Variants in EPB41 observed in about 807,000 individuals in gnomAD.
EPB41 encodes the protein protein 4.1.
EPB41 carries 65 observed loss-of-function variants against 108.0 expected under a neutral mutation model. The ratio of observed to expected loss-of-function variants is 0.60; its 90% CI spans 0.49 to 0.74. The LOEUF (loss-of-function observed/expected upper bound fraction) is 0.74. EPB41 is among the 30% of genes least tolerant of loss of function. The pLI is 0.00. For synonymous variants in EPB41, 336 were observed against 358.9 expected, an observed-to-expected ratio of 0.94 and a Z score of 0.72; for missense variants, 875 against 1,037.0, an observed-to-expected ratio of 0.84 and a Z score of 2.15.
At chr1:29,044,435 A>G (rs1019467640) in intron 11 of EPB41, among the ~76,000 whole-genome samples, 3 of 152,232 alleles carry the variant, frequency 2.0e-5, no homozygotes, top group Admixed American at 6.5e-5. Flanking sequence ...AGAAAGCTTT[A>G]CAGAAATCAC....
At position 29,064,793 on chromosome 1, in the gene EPB41, C is replaced by G. The variant is rs561944049; in HGVS notation, c.2008-189C>G. ...TACTTCACAGCTTCTAAGAAAAGCA[C>G]TTTATTTAAAGAAAAAAAAGGCAAG... On this transcript the variant is annotated intron_variant, in intron 15 of 20. Transcript: ENST00000343067. Among the ~76,000 whole-genome samples the G allele has an allele frequency of 7.2e-5, 11 of 152,072 alleles. No homozygotes were observed. The East Asian group carries it at 1.9e-3, about 27-fold the overall frequency.
At chr1:28,988,057 G>A (rs2095909439) in intron 2 of EPB41, 152 bp downstream of exon 2, 6 of 784,254 alleles carry the variant, frequency 7.7e-6, no homozygotes, top group Non-Finnish European at 1.1e-5. Flanking sequence ...GAGGTCAGGA[G>A]TTCGAGACCA....
At position 28,987,520 on chromosome 1, in the gene EPB41, C is replaced by G. The variant is rs779290705; in HGVS notation, c.83C>G (p.Ser28Ter). The G allele has an allele frequency of 1.2e-6, 2 of 1,614,114 alleles. No individual in the cohort carries two copies. Among genetic ancestry groups the G allele is most frequent in the Non-Finnish European group, 1.7e-6 (2 of 1,180,024 alleles). The change falls in exon 2 of 21, where the codon TCA (serine) becomes TGA (stop). Residue 28 changes from serine (S) to a stop codon, truncating the protein, a stop_gained. Coordinates refer to ENST00000343067, the MANE Select transcript of EPB41 (RefSeq NM_001376013.1). LOFTEE classifies it high-confidence loss of function. Reference protein sequence around the residue: ...QKEEGEEAINSGQQEPQQEES... With the variant: ...QKEEGEEAIN ...GAAGAGGGTGAGGAAGCCATAAACTCAGGCCAACAAGAACCTCAGCAGGAG... is the reference window on the plus strand; with the variant it reads ...GAAGAGGGTGAGGAAGCCATAAACTGAGGCCAACAAGAACCTCAGCAGGAG...
intron 10 of EPB41, among the ~76,000 whole-genome samples, chr1:29,036,648 A>G (rs924927705): frequency 6.8e-5 from 10 of 146,410 alleles, no homozygotes; most frequent in African/African-American, 2.3e-4. Flanking sequence ...TGGAGCTTTT[A>G]TACTATAAGG....
Position 28,979,337 on chromosome 1 carries a change from G to A in EPB41, c.-7-8094G>A, listed in dbSNP as rs373322902. On this transcript the variant is annotated intron_variant, in intron 1 of 20. Coordinates refer to ENST00000343067, the MANE Select transcript of EPB41 (RefSeq NM_001376013.1). ...CCACAACCACTCTCCAAATACAAGT[G>A]CGGTGAGTGTTTTGAAGACCATACA... Among the ~76,000 whole-genome samples, 12 of 151,580 alleles carry A rather than the reference G, an allele frequency of 7.9e-5. No individual in the cohort carries two copies. In the East Asian group the frequency reaches 2.3e-3, roughly 29 times the overall value.
chr1:29,070,697 G>A (rs1650933449), intron 16 of EPB41: 3 of 1,230,738 alleles, frequency 2.4e-6, no homozygotes, highest in African/African-American at 1.6e-5. Flanking sequence ...GCTGTATGAT[G>A]CCCTCTGATC....
intron 1 of EPB41, among the ~76,000 whole-genome samples, chr1:28,920,214 A>G (rs552849519): frequency 3.3e-5 from 5 of 152,312 alleles, no homozygotes; most frequent in African/African-American, 9.6e-5. Context: ...TCTATTACCT[A>G]ATTCTATATT....
At chr1:28,890,855 A>C in intron 1 of EPB41, 1 of 927,354 alleles carries the variant, frequency 1.1e-6, no homozygotes, top group Non-Finnish European at 1.3e-6. Context: ...TAAGAGTGGG[A>C]GCCTCCACCC....
chr1:28,960,926 C>T (rs938847353), intron 1 of EPB41, among the ~76,000 whole-genome samples: 4 of 149,344 alleles, frequency 2.7e-5, no homozygotes, highest in African/African-American at 5.0e-5. Flanking sequence ...CCCAGCTACT[C>T]GGGAGCCTGA....
chr1:28,966,184 C>G (rs2095353061), intron 1 of EPB41, among the ~76,000 whole-genome samples: 1 of 147,934 alleles, frequency 6.8e-6, no homozygotes, highest in African/African-American at 2.5e-5. Flanking sequence ...GAAACTCCGT[C>G]TCAAAAAAAA....
chr1:28,923,851 G>A (rs546886179), intron 1 of EPB41, among the ~76,000 whole-genome samples: 23 of 152,186 alleles, frequency 1.5e-4, no homozygotes, highest in African/African-American at 5.1e-4. Flanking sequence ...TTTATCATGC[G>A]TACTGTGGTA....
chr1:28,982,613 C>A, intron 1 of EPB41: 1 of 1,369,730 alleles, frequency 7.3e-7, no homozygotes, highest in South Asian at 1.2e-5. Context: ...TTGCCCATTT[C>A]GGCAGCAACC....
chr1:28,925,289 T>G (rs547223527), intron 1 of EPB41, among the ~76,000 whole-genome samples: 22 of 151,944 alleles, frequency 1.4e-4, no homozygotes, highest in African/African-American at 4.8e-4. Context: ...AAATGAAATT[T>G]TTTGTAGGGA....
At chr1:29,032,884 T>C (rs1159497514) in intron 8 of EPB41, among the ~76,000 whole-genome samples, 1 of 152,214 alleles carries the variant, frequency 6.6e-6, no homozygotes, top group Non-Finnish European at 1.5e-5. Context: ...TTTGGTAGTA[T>C]ACATAGCTCT....
intron 1 of EPB41, among the ~76,000 whole-genome samples, chr1:28,975,838 G>A (rs2095591892): frequency 6.6e-6 from 1 of 151,212 alleles, no homozygotes; most frequent in African/African-American, 2.4e-5. Flanking sequence ...CATGGTGGCG[G>A]GCTGAGGCAG....
intron 16 of EPB41, among the ~76,000 whole-genome samples, chr1:29,080,073 T>A (rs1655834036): frequency 6.6e-6 from 1 of 150,884 alleles, no homozygotes; most frequent in African/African-American, 2.4e-5. Context: ...TATTTACCAA[T>A]AAGTCAGAAT....
chr1:28,940,144 A>G (rs1040103029), intron 1 of EPB41, among the ~76,000 whole-genome samples: 2 of 152,188 alleles, frequency 1.3e-5, no homozygotes, highest in African/African-American at 2.4e-5. Context: ...TTTGTAGCCA[A>G]ACTACCAGAG....
At chr1:28,929,326 C>T (rs187783736) in intron 1 of EPB41, among the ~76,000 whole-genome samples, 3,764 of 147,120 alleles carry the variant, frequency 0.026, 146 homozygotes, top group African/African-American at 0.089. Context: ...CCCGGGTTCA[C>T]GCCATTCTCC....
chr1:29,085,110 T>C (rs1658226742), intron 16 of EPB41, among the ~76,000 whole-genome samples: 2 of 152,098 alleles, frequency 1.3e-5, no homozygotes, highest in African/African-American at 4.8e-5. Context: ...AAAGTTATTG[T>C]TTAGATCAGT....
Sources: allele counts gnomAD v4.1 joint callset (sites outside exome capture counted in the v4.1 genomes callset), GRCh38; gene constraint gnomAD v4.1.1; transcripts MANE v1.5; gene names NCBI Gene and HGNC (gene_info 2026-07-23, HGNC 2026-07-21).